The following RSL24D1 variants were observed in gnomAD, a reference collection of about 807,000 sequenced individuals.
RSL24D1 encodes the protein probable ribosome biogenesis protein RLP24.
A neutral mutation model predicts 26.2 loss-of-function variants in RSL24D1; 6 were observed. That is an observed-to-expected ratio of 0.23 (90% CI 0.13 to 0.45). RSL24D1 has a LOEUF of 0.45. Among genes scored for constraint, RSL24D1 ranks in the 20% least tolerant of loss-of-function variants. The probability of loss-of-function intolerance (pLI) is 0.99; values close to 1 mark genes in which losing one functional copy is unlikely to be tolerated. For synonymous variants in RSL24D1, 61 were observed against 59.1 expected (o/e 1.03, Z -0.15); for missense variants, 176 against 202.6 (o/e 0.87, Z 0.80).
intron 1 of RSL24D1, chr15:55,196,479 C>A: frequency 1.8e-6 from 1 of 551,212 alleles, no homozygotes; most frequent in Non-Finnish European, 3.4e-6. Context: ...TTACTGGATT[C>A]AAGAATTTGG....
At chr15:55,186,807 G>C (rs1397240397) in intron 3 of RSL24D1, among the ~76,000 whole-genome samples, 1 of 150,060 alleles carries the variant, frequency 6.7e-6, no homozygotes, top group Non-Finnish European at 1.5e-5. Flanking sequence ...ATGTGAGAAT[G>C]CTCTTATTTC....
Position 55,181,695 on chromosome 15 carries a change from AG to A in RSL24D1, c.*456del, listed in dbSNP as rs1333604085. On this transcript the variant is annotated 3_prime_UTR_variant, in exon 6 of 6. Transcript: ENST00000260443. ...TTCTAAGATGCAAATAAACCAAAAC[AG>A]GAAATACTAAAATAAAAATATCTGA... The A allele has an allele frequency of 6.4e-6, 1 of 156,110 alleles. No individual in the cohort carries two copies. Among genetic ancestry groups the A allele is most frequent in the Non-Finnish European group, 1.4e-5 (1 of 70,568 alleles). 9.7% of individuals were successfully genotyped at this position (156,110 alleles called of 1,614,324 possible).
intron 4 of RSL24D1, among the ~76,000 whole-genome samples, chr15:55,185,122 G>A (rs1424344261): frequency 1.3e-5 from 2 of 152,000 alleles, no homozygotes; most frequent in Admixed American, 6.6e-5. Context: ...CTTATTTTTA[G>A]GTTACACACA....
chr15:55,196,922 C>A lies in RSL24D1; in HGVS notation c.-32G>T, dbSNP rs1285540293. On this transcript the variant is annotated 5_prime_UTR_variant, in exon 1 of 6. Transcript: ENST00000260443. Reference sequence around the variant, plus strand: ...CCCGCGTGTAACCCCACCAAACAAACGCCAAGCTTGAGAGGAAGTGATGCA... The same window carrying A: ...CCCGCGTGTAACCCCACCAAACAAAAGCCAAGCTTGAGAGGAAGTGATGCA... The A allele has an allele frequency of 2.5e-6, 4 of 1,608,070 alleles. No homozygotes were observed. In the Admixed American group the frequency reaches 5.0e-5, roughly 20 times the overall value.
At chr15:55,185,825 A>G (rs1324568333) in intron 3 of RSL24D1, among the ~76,000 whole-genome samples, 1 of 152,152 alleles carries the variant, frequency 6.6e-6, no homozygotes, top group Non-Finnish European at 1.5e-5. Flanking sequence ...AGTGCCTGGG[A>G]TATGGTCAGC....
chr15:55,193,818 G>C (rs985905774), intron 1 of RSL24D1, among the ~76,000 whole-genome samples: 3 of 152,130 alleles, frequency 2.0e-5, no homozygotes, highest in Non-Finnish European at 4.4e-5. Flanking sequence ...TAAGACACTA[G>C]AGTGAAAGCA....
chr15:55,183,930 A>G (rs1477173182), intron 4 of RSL24D1, among the ~76,000 whole-genome samples: 1 of 151,028 alleles, frequency 6.6e-6, no homozygotes, highest in Non-Finnish European at 1.5e-5. Context: ...CTACTACATA[A>G]AACAACCTTT....
intron 4 of RSL24D1, 107 bp from the exon 5 acceptor site, chr15:55,183,507 GA>G: frequency 1.4e-6 from 1 of 723,742 alleles, no homozygotes; most frequent in Non-Finnish European, 2.4e-6. Context: ...TAGCCCCACA[GA>G]TGGGGAATGG....
intron 1 of RSL24D1, chr15:55,196,304 A>G (rs1566888143): frequency 4.4e-6 from 2 of 455,378 alleles, no homozygotes; most frequent in Admixed American, 2.4e-5. Context: ...TCCAAGATAA[A>G]TATCACCTCT....
At chr15:55,196,223 GC>G (rs1894354120) in intron 1 of RSL24D1, 1 of 421,732 alleles carries the variant, frequency 2.4e-6, no homozygotes, top group Non-Finnish European at 4.8e-6. Flanking sequence ...TCCGTTCTCT[GC>G]CTTTTCTCAA....
chr15:55,188,211 G>T lies in RSL24D1; in HGVS notation c.268+2764C>A, dbSNP rs573014190. Among the ~76,000 whole-genome samples the T allele has an allele frequency of 9.3e-4, 141 of 152,292 alleles. 1 individual carries two copies. The highest frequency in any genetic ancestry group is 3.2e-3 in the African/African-American group (135 of 41,560). ...TGGAGAATCAATGAATCTCTTAGAA[G>T]AATAATATATTGTTCTGGAACACTA... is the stretch of plus-strand genomic sequence containing the variant. On this transcript the variant is annotated intron_variant, in intron 3 of 5. Transcript: ENST00000260443.
At chr15:55,196,769 G>A in intron 1 of RSL24D1, 41 bp downstream of exon 1, 2 of 1,603,526 alleles carry the variant, frequency 1.2e-6, no homozygotes, top group Middle Eastern at 1.7e-4. Flanking sequence ...CAGGAACCGC[G>A]GGAGCTAGGC....
intron 1 of RSL24D1, among the ~76,000 whole-genome samples, chr15:55,193,602 A>G (rs1055691624): frequency 3.9e-5 from 6 of 152,238 alleles, no homozygotes; most frequent in African/African-American, 1.4e-4. Context: ...GGTATGACAG[A>G]TAATAGGTCA....
intron 1 of RSL24D1, among the ~76,000 whole-genome samples, chr15:55,195,885 T>C (rs74735289): frequency 0.049 from 7,399 of 152,280 alleles, 316 homozygotes; most frequent in African/African-American, 0.11. Context: ...CAAATTCACC[T>C]TAATATACAG....
chr15:55,196,243 CT>C, intron 1 of RSL24D1: 1 of 437,288 alleles, frequency 2.3e-6, no homozygotes, highest in Non-Finnish European at 4.6e-6. Context: ...AAAATGTTCA[CT>C]TTCCTTCCAC....
At chr15:55,189,032 A>C (rs1894260776) in intron 3 of RSL24D1, among the ~76,000 whole-genome samples, 1 of 152,074 alleles carries the variant, frequency 6.6e-6, no homozygotes, top group East Asian at 1.9e-4. Flanking sequence ...TCTCTACTAA[A>C]ATACAAAAAA....
intron 2 of RSL24D1, 92 bp from the exon 3 acceptor site, chr15:55,191,139 T>C: frequency 1.2e-6 from 1 of 848,322 alleles, no homozygotes; most frequent in Admixed American, 3.0e-5. Flanking sequence ...CTAAGTGTTC[T>C]AAATGAACAT....
rs1894160762 is a variant in RSL24D1 at position 55,181,061 on chromosome 15, G to A, written c.*1091C>T. The A allele has an allele frequency of 6.6e-6, 1 of 152,052 alleles. No homozygotes were observed. Among genetic ancestry groups the A allele is most frequent in the Admixed American group, 6.5e-5 (1 of 15,276 alleles). 9.4% of individuals were successfully genotyped at this position (152,052 alleles called of 1,614,324 possible). Reference sequence around the variant, plus strand: ...AAATGAGCCATTACTTTATAATTATGTAAGGCTAAGAATTACTGATTTTAA... The same window carrying A: ...AAATGAGCCATTACTTTATAATTATATAAGGCTAAGAATTACTGATTTTAA... On this transcript the variant is annotated 3_prime_UTR_variant, in exon 6 of 6. Transcript: ENST00000260443.
chr15:55,190,414 C>CA (rs146559322), intron 3 of RSL24D1, among the ~76,000 whole-genome samples: 17,882 of 151,304 alleles, frequency 0.12, 1,093 homozygotes, highest in South Asian at 0.16. Flanking sequence ...CAAAACAAAA[C>CA]AAAAAAAACA....
Sources: allele counts gnomAD v4.1 joint callset (sites outside exome capture counted in the v4.1 genomes callset), GRCh38; gene constraint gnomAD v4.1.1; transcripts MANE v1.5; gene names NCBI Gene and HGNC (gene_info 2026-07-23, HGNC 2026-07-21).